The following CAPN9 variants were observed in gnomAD, a reference collection of about 807,000 sequenced individuals.
The protein encoded by CAPN9 is calpain 9.
In CAPN9, 81 loss-of-function variants were observed where a neutral mutation model predicts 92.8. The observed-to-expected ratio is 0.87, with a 90% CI of 0.73 to 1.05. The LOEUF (loss-of-function observed/expected upper bound fraction) is 1.05. CAPN9 is among the 50% of genes least tolerant of loss of function. The pLI is 0.00. For missense variants in CAPN9, 848 were observed against 866.2 expected, an observed-to-expected ratio of 0.98 and a Z score of 0.26; for synonymous variants, 304 against 328.0, an observed-to-expected ratio of 0.93 and a Z score of 0.79.
In CAPN9 at chr1:230,790,150, G is replaced by C; in HGVS notation, c.1618G>C (p.Glu540Gln). 6.2e-7 allele frequency: 1 copy of C among 1,614,108 alleles called. No homozygotes were observed. The highest frequency in any genetic ancestry group is 8.5e-7 in the Non-Finnish European group (1 of 1,179,942). ...TCAACAGGACATGGAGGTGACAGCAGAGGAACTTGAGTATGTTTTAAATGC... is the reference window on the plus strand; with the variant it reads ...TCAACAGGACATGGAGGTGACAGCACAGGAACTTGAGTATGTTTTAAATGC... ...VAGEDMEVTA[E>Q]ELEYVLNAVL... The change falls in exon 14 of 20, where the codon GAG becomes CAG. Residue 540 changes from glutamate (E) to glutamine (Q), a missense_variant. By Grantham distance (29) the Glu-to-Gln change is conservative. Coordinates refer to ENST00000271971, the MANE Select transcript of CAPN9 (RefSeq NM_006615.3).
chr1:230,801,458 G>T (rs1025842200), intron 19 of CAPN9, 112 bp from the exon 20 acceptor site: 3 of 991,112 alleles, frequency 3.0e-6, no homozygotes, highest in South Asian at 1.3e-5. Context: ...CAGGCAAAAT[G>T]ATCAAATAGC....
chr1:230,754,683 C>T (rs1324874998), intron 1 of CAPN9, among the ~76,000 whole-genome samples: 1 of 150,962 alleles, frequency 6.6e-6, no homozygotes, highest in Non-Finnish European at 1.5e-5. Context: ...GGCGTGGTGA[C>T]TCACGTCTGT....
At chr1:230,787,662 CA>C in intron 13 of CAPN9, 60 bp downstream of exon 13, 2 of 1,451,630 alleles carry the variant, frequency 1.4e-6, no homozygotes, top group South Asian at 2.3e-5. Flanking sequence ...TGCTTCCTAG[CA>C]AAGGGTTGCA....
chr1:230,750,409 T>C (rs1316446), intron 1 of CAPN9, among the ~76,000 whole-genome samples: 76,304 of 152,120 alleles, frequency 0.5, 20,138 homozygotes, highest in Non-Finnish European at 0.61. Flanking sequence ...GTCCTCATTC[T>C]CGTACCCCTA....
At chr1:230,797,971 G>A (rs1013951283) in intron 18 of CAPN9, among the ~76,000 whole-genome samples, 191 bp from the exon 19 acceptor site, 19 of 152,222 alleles carry the variant, frequency 1.2e-4, no homozygotes, top group Non-Finnish European at 2.4e-4. Flanking sequence ...GCCTCCATCC[G>A]TTCAGAGAAG....
chr1:230,773,372 TAGTG>T (rs1484498544), intron 7 of CAPN9, among the ~76,000 whole-genome samples: 2 of 152,242 alleles, frequency 1.3e-5, no homozygotes, highest in African/African-American at 4.8e-5. Context: ...AAACCAAAAT[TAGTG>T]AGACTGCGTC....
Position 230,777,847 on chromosome 1 carries a change from C to T in CAPN9, c.954-1126C>T, listed in dbSNP as rs139992659. Among the ~76,000 whole-genome samples the T allele has an allele frequency of 6.0e-4, 92 of 152,280 alleles. No individual in the cohort carries two copies. The East Asian group carries it at 0.013, about 22-fold the overall frequency. On this transcript the variant is annotated intron_variant, in intron 8 of 19. Coordinates refer to ENST00000271971, the MANE Select transcript of CAPN9 (RefSeq NM_006615.3). The stretch of plus-strand genomic sequence containing the variant: ...TCTCAACATCCTGTCCTGGCCCCCT[C>T]TCATCTCCCTAACCTGTTAGCACTG...
Position 230,747,438 on chromosome 1 carries a change from C to A in CAPN9, c.-59C>A. 6.9e-7 allele frequency: 1 copy of A among 1,456,810 alleles called. No individual in the cohort carries two copies. The highest frequency in any genetic ancestry group is 9.6e-7 in the Non-Finnish European group (1 of 1,038,706). The allele number at this position is 1,456,810 out of a possible 1,614,324, so 90.2% of individuals were successfully genotyped here. A position where few individuals can be genotyped will look rare whatever the true frequency, so the allele number is the denominator to read the frequency against. ...CTTCTTGACCGGCACACACAGCTCG[C>A]TTCTTCACTTTCTTTTCCATCCACT... is the stretch of plus-strand genomic sequence containing the variant. On this transcript the variant is annotated 5_prime_UTR_variant, in exon 1 of 20. Coordinates refer to ENST00000271971, the MANE Select transcript of CAPN9 (RefSeq NM_006615.3).
chr1:230,782,372 AGGAGGAAAG>A (rs1667281645), intron 11 of CAPN9, among the ~76,000 whole-genome samples: 1 of 152,220 alleles, frequency 6.6e-6, no homozygotes, highest in African/African-American at 2.4e-5. Flanking sequence ...CCAGGGGATG[AGGAGGAAAG>A]GGAGGACTAC....
chr1:230,790,222 C>T (rs1025310835), intron 14 of CAPN9, 33 bp downstream of exon 14: 3 of 1,612,592 alleles, frequency 1.9e-6, no homozygotes, highest in African/African-American at 1.3e-5. Flanking sequence ...TCCTGGGGCA[C>T]CTATGGAGGG....
chr1:230,799,834 C>T (rs1217687384), intron 19 of CAPN9, among the ~76,000 whole-genome samples: 1 of 152,108 alleles, frequency 6.6e-6, no homozygotes, highest in Non-Finnish European at 1.5e-5. Context: ...GGGGTTTGAG[C>T]ATGCAGTGAG....
intron 1 of CAPN9, among the ~76,000 whole-genome samples, chr1:230,750,547 G>A (rs756029753): frequency 1.3e-4 from 20 of 152,182 alleles, no homozygotes; most frequent in Non-Finnish European, 2.6e-4. Flanking sequence ...AGGGAGCCGG[G>A]GGGTAGCGGG....
At position 230,791,871 on chromosome 1, in the gene CAPN9, C is replaced by A. The variant is rs1572088585; in HGVS notation, c.1665C>A (p.Asp555Glu). The A allele has an allele frequency of 6.2e-7, 1 of 1,612,904 alleles. No individual in the cohort carries two copies. The highest frequency in any genetic ancestry group is 8.5e-7 in the Non-Finnish European group (1 of 1,178,894). ...VLNAVLQKKK[D>E]IKFKKLSLIS... ...TTTCATGTGCAATTTCAGAAAAGGACATCAAATTCAAGAAGCTAAGCCTGA... is the reference window on the plus strand; with the variant it reads ...TTTCATGTGCAATTTCAGAAAAGGAAATCAAATTCAAGAAGCTAAGCCTGA... The change falls in exon 15 of 20, where the codon GAC (aspartate) becomes GAA (glutamate). Residue 555 changes from aspartate (D) to glutamate (E), a missense_variant. Transcript: ENST00000271971.
At position 230,769,265 on chromosome 1, in the gene CAPN9, T is replaced by C. The variant is rs1044723434; in HGVS notation, c.789+2T>C. On this transcript the variant is annotated splice_donor_variant, in intron 6 of 19. Coordinates refer to ENST00000271971, the MANE Select transcript of CAPN9 (RefSeq NM_006615.3). LOFTEE classifies it high-confidence loss of function. ...TACAGTGTAACGGGAATTGACCAGG[T>C]AGGCGACTTGAACTCCAACTGCAGG... The C allele has an allele frequency of 6.2e-7, 1 of 1,611,492 alleles. No homozygotes were observed. The highest frequency in any genetic ancestry group is 8.5e-7 in the Non-Finnish European group (1 of 1,177,766).
At chr1:230,795,469 A>G (rs1668291659) in intron 18 of CAPN9, 190 bp downstream of exon 18, 1 of 538,784 alleles carries the variant, frequency 1.9e-6, no homozygotes, top group Non-Finnish European at 3.4e-6. Context: ...CCCCTGCAGC[A>G]CGTTTCTTAG....
At chr1:230,776,518 T>C (rs992683840) in intron 8 of CAPN9, 1 of 152,230 alleles carries the variant, frequency 6.6e-6, no homozygotes, top group African/African-American at 2.4e-5. Flanking sequence ...AGAATTTCGT[T>C]GTGGCAGTTC....
rs554382146 is a variant in CAPN9 at position 230,747,437 on chromosome 1, G to A, written c.-60G>A. 2.0e-5 allele frequency: 29 copies of A among 1,434,410 alleles called. No homozygotes were observed. In the Middle Eastern group the frequency reaches 6.9e-4, roughly 34 times the overall value. The allele number at this position is 1,434,410 out of a possible 1,614,324, so 88.9% of individuals were successfully genotyped here. ...CCTTCTTGACCGGCACACACAGCTC[G>A]CTTCTTCACTTTCTTTTCCATCCAC... On this transcript the variant is annotated 5_prime_UTR_variant, in exon 1 of 20. Coordinates refer to ENST00000271971, the MANE Select transcript of CAPN9 (RefSeq NM_006615.3).
chr1:230,757,256 A>AT (rs1433704482), intron 2 of CAPN9, among the ~76,000 whole-genome samples: 1 of 152,106 alleles, frequency 6.6e-6, no homozygotes, highest in African/African-American at 2.4e-5. Context: ...AAAGGTTTAC[A>AT]TTCAGGTGGT....
At chr1:230,800,812 G>C (rs2102950930) in intron 19 of CAPN9, among the ~76,000 whole-genome samples, 1 of 152,222 alleles carries the variant, frequency 6.6e-6, no homozygotes, top group Non-Finnish European at 1.5e-5. Flanking sequence ...TGTGCAGCCA[G>C]GTCTGAAGTA....
Sources: allele counts gnomAD v4.1 joint callset (sites outside exome capture counted in the v4.1 genomes callset), GRCh38; gene constraint gnomAD v4.1.1; transcripts MANE v1.5; gene names NCBI Gene and HGNC (gene_info 2026-07-23, HGNC 2026-07-21).